TRPC4: variants seen among roughly 807,000 people sequenced by gnomAD.
TRPC4 encodes transient receptor potential cation channel subfamily C member 4, also known as short transient receptor potential channel 4.
In TRPC4, 49 loss-of-function variants were observed where a neutral mutation model predicts 99.4. The ratio of observed to expected loss-of-function variants is 0.49; its 90% confidence interval spans 0.39 to 0.63. The LOEUF (loss-of-function observed/expected upper bound fraction) is 0.63, where lower values mean the gene tolerates loss of function less well. Among genes scored for constraint, TRPC4 ranks in the 20% least tolerant of loss-of-function variants. The pLI is 0.00. For synonymous variants in TRPC4, 454 were observed against 425.9 expected, an observed-to-expected ratio of 1.07 and a Z score of -0.81; for missense variants, 898 against 1,152.9, an observed-to-expected ratio of 0.78 and a Z score of 3.20.
chr13:37,704,147 A>C (rs1471523908), intron 3 of TRPC4, among the ~76,000 whole-genome samples: 1 of 152,184 alleles, frequency 6.6e-6, no homozygotes, highest in African/African-American at 2.4e-5. Flanking sequence ...ATTTATATAA[A>C]CTCTAGAAAA....
intron 2 of TRPC4, among the ~76,000 whole-genome samples, chr13:37,777,797 T>A (rs1022835367): frequency 6.6e-6 from 1 of 151,944 alleles, no homozygotes; most frequent in Non-Finnish European, 1.5e-5. Flanking sequence ...GAGAAGTAGG[T>A]AAGATTCAGA....
intron 3 of TRPC4, among the ~76,000 whole-genome samples, chr13:37,726,652 C>G (rs900003814): frequency 6.6e-6 from 1 of 152,044 alleles, no homozygotes; most frequent in Non-Finnish European, 1.5e-5. Flanking sequence ...TCCAACTCAA[C>G]GGACAGGAAT....
In TRPC4 at chr13:37,663,782, T is replaced by C. The variant is rs909272509; in HGVS notation, c.1375-53A>G. On this transcript the variant is annotated intron_variant, in intron 5 of 10. Transcript: ENST00000379705. ...AGTAAAACAAACACACGCATATAAATAGATCAAGGTCAGACCCAGAAGGAA... is the reference window on the plus strand; with the variant it reads ...AGTAAAACAAACACACGCATATAAACAGATCAAGGTCAGACCCAGAAGGAA... 6.2e-6 allele frequency: 9 copies of C among 1,449,968 alleles called. No individual in the cohort carries two copies. The African/African-American group carries it at 1.1e-4, about 18-fold the overall frequency. 89.8% of individuals were successfully genotyped at this position (1,449,968 alleles called of 1,614,324 possible).
At chr13:37,851,043 C>A (rs1445512973) in intron 1 of TRPC4, among the ~76,000 whole-genome samples, 3 of 152,174 alleles carry the variant, frequency 2.0e-5, no homozygotes, top group Non-Finnish European at 4.4e-5. Context: ...ATCTCACACA[C>A]ACAAATGAGA....
chr13:37,827,773 G>T (rs1350004041), intron 1 of TRPC4, among the ~76,000 whole-genome samples: 4 of 152,214 alleles, frequency 2.6e-5, no homozygotes, highest in Non-Finnish European at 5.9e-5. Context: ...AGGCAGGCAG[G>T]CCTCCTTGAG....
chr13:37,839,068 C>T (rs9548067), intron 1 of TRPC4, among the ~76,000 whole-genome samples: 37,446 of 151,998 alleles, frequency 0.25, 4,921 homozygotes, highest in African/African-American at 0.33. Context: ...AAGATTTCAA[C>T]GTAGTGACTA....
chr13:37,845,339 C>T (rs1210117841), intron 1 of TRPC4, among the ~76,000 whole-genome samples: 2 of 151,872 alleles, frequency 1.3e-5, no homozygotes, highest in Non-Finnish European at 2.9e-5. Context: ...AAATGACTAA[C>T]AAAAAATTCA....
chr13:37,732,022 T>A (rs1435253383), intron 3 of TRPC4, among the ~76,000 whole-genome samples: 1 of 152,130 alleles, frequency 6.6e-6, no homozygotes, highest in African/African-American at 2.4e-5. Flanking sequence ...AAATGGGTTG[T>A]TTGACTTGAA....
chr13:37,796,365 T>C (rs1024197478), intron 1 of TRPC4, among the ~76,000 whole-genome samples: 1 of 152,210 alleles, frequency 6.6e-6, no homozygotes, highest in Non-Finnish European at 1.5e-5. Flanking sequence ...GGTTAATTTA[T>C]TTGACGAAGG....
intron 1 of TRPC4, among the ~76,000 whole-genome samples, chr13:37,827,946 C>A (rs1330553652): frequency 6.6e-6 from 1 of 152,120 alleles, no homozygotes; most frequent in Non-Finnish European, 1.5e-5. Flanking sequence ...TAGGACCCTC[C>A]GAGCCAGGTG....
At chr13:37,830,555 A>C (rs1050708787) in intron 1 of TRPC4, among the ~76,000 whole-genome samples, 2 of 151,558 alleles carry the variant, frequency 1.3e-5, no homozygotes, top group Non-Finnish European at 2.9e-5. Flanking sequence ...TCTACTAAAA[A>C]TACAAAATTA....
chr13:37,816,527 A>AGGG (rs1300240211), intron 1 of TRPC4, among the ~76,000 whole-genome samples: 3 of 151,894 alleles, frequency 2.0e-5, no homozygotes, highest in Non-Finnish European at 4.4e-5. Flanking sequence ...TAACTCATTC[A>AGGG]ATGAGGCCAG....
intron 1 of TRPC4, among the ~76,000 whole-genome samples, chr13:37,843,858 G>A (rs1294543231): frequency 6.6e-6 from 1 of 152,176 alleles, no homozygotes; most frequent in African/African-American, 2.4e-5. Flanking sequence ...CACCTTGGAA[G>A]TGAGTCAAGG....
chr13:37,727,760 A>T (rs1429031748), intron 3 of TRPC4, among the ~76,000 whole-genome samples: 1 of 152,046 alleles, frequency 6.6e-6, no homozygotes, highest in Non-Finnish European at 1.5e-5. Flanking sequence ...ATAGGAGAGG[A>T]ATATGAACAG....
At chr13:37,720,979 G>C (rs1318489809) in intron 3 of TRPC4, among the ~76,000 whole-genome samples, 3 of 152,148 alleles carry the variant, frequency 2.0e-5, no homozygotes, top group African/African-American at 7.2e-5. Context: ...TTTATTATGA[G>C]TACTTGGAAG....
chr13:37,637,612 T>A lies in TRPC4; in HGVS notation c.2225A>T (p.Asp742Val), dbSNP rs1566058410. Residue 742 changes from aspartate (D) to valine (V), a missense_variant, in exon 11 of 11, where the codon GAC (aspartate) becomes GTC (valine). Physicochemically the swap from Asp to Val is radical, Grantham distance 152. Coordinates refer to ENST00000379705, the MANE Select transcript of TRPC4 (RefSeq NM_016179.4). ...TEENFKELKQ[D>V]ISSFRFEVLG... ...GACTTCAAAGCGGAAACTAGAAATGTCTTGCTTTAGTTCCTACGTAGAATT... is the reference window on the plus strand; with the variant it reads ...GACTTCAAAGCGGAAACTAGAAATGACTTGCTTTAGTTCCTACGTAGAATT... 1 of 1,587,328 alleles carries A rather than the reference T, an allele frequency of 6.3e-7. No homozygotes were observed. Among genetic ancestry groups the A allele is most frequent in the Non-Finnish European group, 8.5e-7 (1 of 1,170,786 alleles).
chr13:37,639,206 A>G, intron 9 of TRPC4, 52 bp downstream of exon 9: 1 of 1,612,174 alleles, frequency 6.2e-7, no homozygotes, highest in Non-Finnish European at 8.5e-7. Flanking sequence ...TGAAGGGGGG[A>G]CTGCATTTTA....
intron 1 of TRPC4, among the ~76,000 whole-genome samples, chr13:37,811,798 G>A (rs1593797249): frequency 2.0e-5 from 3 of 152,016 alleles, no homozygotes; most frequent in African/African-American, 7.2e-5. Context: ...TACACAGAGG[G>A]TCCTGCTTTG....
At chr13:37,684,361 C>T (rs530424554) in intron 4 of TRPC4, among the ~76,000 whole-genome samples, 2 of 152,082 alleles carry the variant, frequency 1.3e-5, no homozygotes, top group Non-Finnish European at 2.9e-5. Flanking sequence ...AGGAAGTACA[C>T]ATTTTTAAGT....
Sources: gnomAD v4.1 joint callset for allele counts (sites outside exome capture counted in the v4.1 genomes callset) on GRCh38, gnomAD v4.1.1 for gene constraint, MANE v1.5 for transcripts, NCBI Gene and HGNC (gene_info 2026-07-23, HGNC 2026-07-21) for gene names.